The following PIGN variants were observed in gnomAD, a reference collection of about 807,000 sequenced individuals.
PIGN encodes the protein GPI ethanolamine phosphate transferase 1.
PIGN carries 117 observed loss-of-function variants against 125.4 expected under a neutral mutation model. The ratio of observed to expected loss-of-function variants is 0.93; its 90% CI spans 0.80 to 1.09. PIGN has a LOEUF of 1.09. Among genes scored for constraint, PIGN ranks in the 50% least tolerant of loss-of-function variants. PIGN has a pLI of 0.00. For synonymous variants in PIGN, 392 were observed against 377.8 expected, an observed-to-expected ratio of 1.04 and a Z score of -0.44; for missense variants, 1,075 against 1,094.9, an observed-to-expected ratio of 0.98 and a Z score of 0.26.
intron 14 of PIGN, among the ~76,000 whole-genome samples, chr18:62,126,962 T>C (rs1212838419): frequency 1.3e-5 from 2 of 152,192 alleles, no homozygotes; most frequent in Non-Finnish European, 1.5e-5. Flanking sequence ...ACTTCCATTG[T>C]ACCTTAAACC....
At chr18:62,167,286 A>ATGTGTG (rs61310777) in intron 1 of PIGN, among the ~76,000 whole-genome samples, 4 of 139,398 alleles carry the variant, frequency 2.9e-5, no homozygotes, top group East Asian at 4.1e-4. Flanking sequence ...AGAGATATAT[A>ATGTGTG]TGTGTGTGTG....
intron 1 of PIGN, among the ~76,000 whole-genome samples, chr18:62,175,487 T>C (rs2037492865): frequency 6.6e-6 from 1 of 152,202 alleles, no homozygotes; most frequent in African/African-American, 2.4e-5. Flanking sequence ...GATTACATCT[T>C]TTCCCTTCTT....
intron 29 of PIGN, among the ~76,000 whole-genome samples, 185 bp downstream of exon 29, chr18:62,074,594 C>T (rs868559837): frequency 6.6e-6 from 1 of 152,072 alleles, no homozygotes; most frequent in Non-Finnish European, 1.5e-5. Context: ...ACTTTTGACA[C>T]CTGAAGAAGA....
intron 30 of PIGN, among the ~76,000 whole-genome samples, chr18:62,062,922 G>A (rs1383468146): frequency 1.7e-4 from 8 of 47,852 alleles, no homozygotes; most frequent in South Asian, 5.7e-4. Context: ...TGCTGTTGTC[G>A]TTGCTGTTTT....
chr18:62,157,299 A>G, intron 5 of PIGN, 72 bp from the exon 6 acceptor site: 1 of 724,128 alleles, frequency 1.4e-6, no homozygotes, highest in South Asian at 1.9e-5. Flanking sequence ...CTATTCTTCA[A>G]ATAATAACAA....
intron 23 of PIGN, among the ~76,000 whole-genome samples, chr18:62,035,523 T>C (rs1199804011): frequency 6.6e-6 from 1 of 152,210 alleles, no homozygotes; most frequent in African/African-American, 2.4e-5. Flanking sequence ...AACTTATTAC[T>C]TTTTTATCTT....
chr18:62,170,834 A>C (rs777879382), intron 1 of PIGN, among the ~76,000 whole-genome samples: 29 of 152,356 alleles, frequency 1.9e-4, no homozygotes, highest in Non-Finnish European at 3.5e-4. Flanking sequence ...GTGTTACTCC[A>C]GTGAATACAT....
At chr18:62,181,544 G>A (rs1451437118) in intron 1 of PIGN, among the ~76,000 whole-genome samples, 1 of 152,028 alleles carries the variant, frequency 6.6e-6, no homozygotes, top group Admixed American at 6.6e-5. Flanking sequence ...CCAAGTAGCG[G>A]GGACCACAGG....
At chr18:62,184,880 A>G (rs2037840952) in intron 1 of PIGN, among the ~76,000 whole-genome samples, 1 of 152,196 alleles carries the variant, frequency 6.6e-6, no homozygotes, top group Admixed American at 6.5e-5. Context: ...GTTATTGTGT[A>G]GCAGGTACCA....
intron 23 of PIGN, among the ~76,000 whole-genome samples, chr18:62,094,308 C>A (rs62095306): frequency 0.17 from 25,689 of 151,998 alleles, 2,925 homozygotes; most frequent in Middle Eastern, 0.29. Context: ...CCCTTTAAAT[C>A]TGTTTATTGC....
intron 22 of PIGN, among the ~76,000 whole-genome samples, chr18:62,099,438 A>AC (rs1241521764): frequency 6.6e-6 from 1 of 152,188 alleles, no homozygotes; most frequent in Non-Finnish European, 1.5e-5. Flanking sequence ...TCACAGAAAT[A>AC]GAAAAAATCC....
At chr18:62,024,152 T>G (rs2030087025) in intron 23 of PIGN, among the ~76,000 whole-genome samples, 1 of 152,220 alleles carries the variant, frequency 6.6e-6, no homozygotes, top group African/African-American at 2.4e-5. Flanking sequence ...GCATGTTAAT[T>G]AATTCCTTTA....
At chr18:62,138,886 G>A (rs1010600060) in intron 13 of PIGN, 97 bp downstream of exon 13, 2 of 658,026 alleles carry the variant, frequency 3.0e-6, no homozygotes, top group Non-Finnish European at 5.1e-6. Context: ...CAGGGAAATA[G>A]TTAAAAACAA....
rs889597058 is a variant in PIGN at position 62,152,863 on chromosome 18, T to C, written c.549+1682A>G. ...ATTCTGTATTTTGCATATATATATATATATATTTTTTTTTTTAACCACAGT... is the reference window on the plus strand; with the variant it reads ...ATTCTGTATTTTGCATATATATATACATATATTTTTTTTTTTAACCACAGT... On this transcript the variant is annotated intron_variant, in intron 7 of 30. Transcript: ENST00000640252. Among the ~76,000 whole-genome samples the C allele has an allele frequency of 3.6e-5, 2 of 55,184 alleles. 1 individual carries two copies. The highest frequency in any genetic ancestry group is 1.3e-3 in the South Asian group (2 of 1,500). 36.2% of individuals were successfully genotyped at this position (55,184 alleles called of 152,430 possible). A position where few individuals can be genotyped will look rare whatever the true frequency, so the allele number is the denominator to read the frequency against.
At chr18:62,069,284 C>A (rs2032704564) in intron 30 of PIGN, 1 of 152,358 alleles carries the variant, frequency 6.6e-6, no homozygotes, top group Admixed American at 6.5e-5. Context: ...TGTTCATAAA[C>A]TAATGATGCA....
chr18:62,139,971 A>T (rs2036076047), intron 12 of PIGN, among the ~76,000 whole-genome samples: 2 of 152,186 alleles, frequency 1.3e-5, no homozygotes, highest in East Asian at 3.9e-4. Flanking sequence ...AAACGAAGTC[A>T]GTTTTTGCTG....
At chr18:62,026,622 A>G (rs989077780) in intron 23 of PIGN, among the ~76,000 whole-genome samples, 4 of 152,236 alleles carry the variant, frequency 2.6e-5, no homozygotes, top group African/African-American at 9.6e-5. Flanking sequence ...AATTTTATAA[A>G]GTTTGATATC....
chr18:62,051,766 C>T (rs558796428), intron 30 of PIGN: 1 of 152,258 alleles, frequency 6.6e-6, no homozygotes, highest in East Asian at 1.9e-4. Context: ...TTTGCTCTTT[C>T]TTTTCTAGTT....
At chr18:62,118,845 G>A (rs2035185251) in intron 14 of PIGN, among the ~76,000 whole-genome samples, 1 of 149,740 alleles carries the variant, frequency 6.7e-6, no homozygotes, top group Non-Finnish European at 1.5e-5. Context: ...AGAGAACTCA[G>A]GTAAAGAAAG....
Sources: allele counts gnomAD v4.1 joint callset (sites outside exome capture counted in the v4.1 genomes callset), GRCh38; gene constraint gnomAD v4.1.1; transcripts MANE v1.5; gene names NCBI Gene and HGNC (gene_info 2026-07-23, HGNC 2026-07-21).